Variants in ZBTB8OS observed in about 807,000 individuals in gnomAD.
The protein encoded by ZBTB8OS is tRNA splicing ligase complex subunit 1.
In ZBTB8OS, 16 loss-of-function variants were observed where a neutral mutation model predicts 29.3. That is an observed-to-expected ratio of 0.55 (90% CI 0.37 to 0.83). The LOEUF is 0.83. ZBTB8OS is among the 40% of genes least tolerant of loss of function. The probability of loss-of-function intolerance (pLI) is 0.00; values close to 1 mark genes in which losing one functional copy is unlikely to be tolerated. For synonymous variants in ZBTB8OS, 70 were observed against 64.6 expected, an observed-to-expected ratio of 1.08 and a Z score of -0.40; for missense variants, 160 against 196.9, an observed-to-expected ratio of 0.81 and a Z score of 1.12.
At chr1:32,625,392 G>A (rs1645049367) in intron 6 of ZBTB8OS, among the ~76,000 whole-genome samples, 1 of 151,902 alleles carries the variant, frequency 6.6e-6, no homozygotes, top group East Asian at 1.9e-4. Flanking sequence ...AAATTAGCCA[G>A]GTATGGCGTC....
intron 1 of ZBTB8OS, among the ~76,000 whole-genome samples, chr1:32,636,771 T>C (rs993125461): frequency 1.3e-5 from 2 of 151,370 alleles, no homozygotes; most frequent in Non-Finnish European, 1.5e-5. Context: ...GTCGTAGAAA[T>C]GCCTGCCTGA....
chr1:32,647,971 C>T (rs923854048), intron 1 of ZBTB8OS, among the ~76,000 whole-genome samples: 7 of 151,832 alleles, frequency 4.6e-5, no homozygotes, highest in African/African-American at 1.5e-4. Context: ...GGTTGGGGAC[C>T]GCTGGTTAAT....
intron 1 of ZBTB8OS, among the ~76,000 whole-genome samples, chr1:32,644,700 C>A (rs684583): frequency 6.8e-6 from 1 of 147,976 alleles, no homozygotes; most frequent in South Asian, 2.1e-4. Flanking sequence ...GCCACCACAC[C>A]CAGCTTTTTT....
At chr1:32,642,610 C>G (rs1304660987) in intron 1 of ZBTB8OS, among the ~76,000 whole-genome samples, 2 of 150,382 alleles carry the variant, frequency 1.3e-5, no homozygotes, top group Admixed American at 1.3e-4. Flanking sequence ...CTTTTTCTTC[C>G]AGACCCTCCC....
chr1:32,628,897 T>C (rs1037856363), intron 5 of ZBTB8OS, among the ~76,000 whole-genome samples: 10 of 149,094 alleles, frequency 6.7e-5, no homozygotes, highest in African/African-American at 2.2e-4. Flanking sequence ...GATCACATCA[T>C]TGCACTCCCA....
chr1:32,636,551 G>A (rs1383615012), intron 1 of ZBTB8OS, among the ~76,000 whole-genome samples: 1 of 151,996 alleles, frequency 6.6e-6, no homozygotes, highest in Non-Finnish European at 1.5e-5. Flanking sequence ...TTAGCTGGGC[G>A]TGGTGGCGCA....
intron 1 of ZBTB8OS, among the ~76,000 whole-genome samples, chr1:32,644,567 T>C (rs1362227759): frequency 1.4e-5 from 2 of 146,706 alleles, no homozygotes; most frequent in Non-Finnish European, 1.5e-5. Context: ...TCAGGGACTC[T>C]GTCACCCAGG....
intron 1 of ZBTB8OS, among the ~76,000 whole-genome samples, chr1:32,635,470 C>T (rs955009185): frequency 1.3e-5 from 2 of 152,088 alleles, no homozygotes; most frequent in African/African-American, 4.8e-5. Flanking sequence ...TGGGGTTTCA[C>T]CATGTTGGCC....
In ZBTB8OS at chr1:32,621,988, A is replaced by T. The variant is rs1644787815; in HGVS notation, c.418-40T>A. ...AGAGAAAAAAAAAAAAAAAAGGAAA[A>T]TAGGATATTGAAATCATAATCATTA... On this transcript the variant is annotated intron_variant, in intron 6 of 6. Coordinates refer to ENST00000468695, the MANE Select transcript of ZBTB8OS (RefSeq NM_178547.5). The T allele has an allele frequency of 2.2e-6, 3 of 1,354,404 alleles. No individual in the cohort carries two copies. The African/African-American group carries it at 4.4e-5, about 20-fold the overall frequency. 83.9% of individuals were successfully genotyped at this position (1,354,404 alleles called of 1,614,324 possible). A position where few individuals can be genotyped will look rare whatever the true frequency, so the allele number is the denominator to read the frequency against.
intron 1 of ZBTB8OS, 25 bp from the exon 2 acceptor site, chr1:32,634,817 T>A: frequency 6.8e-7 from 1 of 1,460,360 alleles, no homozygotes; most frequent in Non-Finnish European, 9.6e-7. Context: ...GAAAAACACT[T>A]ATAAGACACT....
At chr1:32,636,720 G>GA (rs1178872932) in intron 1 of ZBTB8OS, among the ~76,000 whole-genome samples, 3 of 150,940 alleles carry the variant, frequency 2.0e-5, no homozygotes, top group Non-Finnish European at 4.4e-5. Flanking sequence ...TGGGGGGGAA[G>GA]AAGAGGGTCA....
intron 1 of ZBTB8OS, 100 bp downstream of exon 1, chr1:32,650,333 A>T: frequency 6.8e-7 from 1 of 1,462,868 alleles, no homozygotes; most frequent in South Asian, 1.2e-5. Flanking sequence ...TGCCTGAAGT[A>T]CCCATGGGGC....
chr1:32,624,630 A>T (rs1413201509), intron 6 of ZBTB8OS, among the ~76,000 whole-genome samples: 1 of 152,242 alleles, frequency 6.6e-6, no homozygotes, highest in Non-Finnish European at 1.5e-5. Context: ...CCAGTGGCTC[A>T]TGCCTGTAAT....
upstream of ZBTB8OS, chr1:32,650,556 C>T: frequency 1.2e-6 from 2 of 1,614,036 alleles, no homozygotes; most frequent in African/African-American, 1.3e-5. Context: ...ACTCTACTTC[C>T]GCCCTTCATC....
intron 6 of ZBTB8OS, among the ~76,000 whole-genome samples, chr1:32,625,295 G>A (rs1048954579): frequency 6.6e-6 from 1 of 151,764 alleles, no homozygotes; most frequent in African/African-American, 2.4e-5. Context: ...TCTTTTGGGA[G>A]GCTGAGGTAG....
chr1:32,630,984 G>A (rs1189839025), intron 5 of ZBTB8OS, among the ~76,000 whole-genome samples: 1 of 152,128 alleles, frequency 6.6e-6, no homozygotes, highest in East Asian at 1.9e-4. Context: ...TCCAGCCTGA[G>A]CAACAGAGCG....
chr1:32,641,265 G>GTT lies in ZBTB8OS; in HGVS notation c.98-6475_98-6474dup, dbSNP rs1160526101. On this transcript the variant is annotated intron_variant, in intron 1 of 6. Coordinates refer to ENST00000468695, the MANE Select transcript of ZBTB8OS (RefSeq NM_178547.5). ...TTCAGCTCACAACTCAATTACACAA[G>GTT]TTTTTTTTTTTTTTTTTTTTTTTTT... Among the ~76,000 whole-genome samples the GTT allele has an allele frequency of 2.1e-3, 205 of 97,274 alleles. 5 individuals are homozygous for GTT. Among genetic ancestry groups the GTT allele is most frequent in the African/African-American group, 6.1e-3 (148 of 24,338 alleles). 63.8% of individuals were successfully genotyped at this position (97,274 alleles called of 152,430 possible). A position where few individuals can be genotyped will look rare whatever the true frequency, so the allele number is the denominator to read the frequency against.
chr1:32,648,448 A>G (rs1049205488), intron 1 of ZBTB8OS, among the ~76,000 whole-genome samples: 5 of 152,234 alleles, frequency 3.3e-5, no homozygotes, highest in African/African-American at 1.2e-4. Context: ...CACTGTTTCT[A>G]ATACCACAAG....
chr1:32,637,322 G>C (rs1196154288), intron 1 of ZBTB8OS, among the ~76,000 whole-genome samples: 1 of 152,124 alleles, frequency 6.6e-6, no homozygotes, highest in Non-Finnish European at 1.5e-5. Context: ...CCAACACTTG[G>C]GGAGGCCGAG....
Sources: allele counts gnomAD v4.1 joint callset (sites outside exome capture counted in the v4.1 genomes callset), GRCh38; gene constraint gnomAD v4.1.1; transcripts MANE v1.5; gene names NCBI Gene and HGNC (gene_info 2026-07-23, HGNC 2026-07-21).